The following MYO3A variants were observed in gnomAD, a reference collection of about 807,000 sequenced individuals.
The protein encoded by MYO3A is myosin-IIIa.
MYO3A carries 180 observed loss-of-function variants against 192.7 expected under a neutral mutation model. The observed-to-expected ratio is 0.93, with a 90% CI of 0.83 to 1.06. The LOEUF is 1.06. Among genes scored for constraint, MYO3A ranks in the 50% least tolerant of loss-of-function variants. The probability of loss-of-function intolerance (pLI) is 0.00; values close to 1 mark genes in which losing one functional copy is unlikely to be tolerated. For synonymous variants in MYO3A, 628 were observed against 645.3 expected (o/e 0.97, Z 0.41); for missense variants, 1,896 against 1,905.0 (o/e 1.00, Z 0.09).
chr10:26,044,557 G>A (rs1007156137), intron 10 of MYO3A, among the ~76,000 whole-genome samples: 1 of 152,212 alleles, frequency 6.6e-6, no homozygotes, highest in African/African-American at 2.4e-5. Flanking sequence ...GCAGTGATAA[G>A]ATGGGTTGGC....
chr10:25,969,444 C>T (rs1003736364), intron 4 of MYO3A, among the ~76,000 whole-genome samples: 3 of 151,858 alleles, frequency 2.0e-5, no homozygotes, highest in Non-Finnish European at 4.4e-5. Flanking sequence ...ACATATAATC[C>T]GTGGATAATG....
intron 4 of MYO3A, among the ~76,000 whole-genome samples, chr10:25,964,072 G>C (rs1259606312): frequency 6.6e-6 from 1 of 151,974 alleles, no homozygotes; most frequent in East Asian, 1.9e-4. Flanking sequence ...TGTTATCATA[G>C]ATTTATTGTT....
At chr10:26,124,051 G>A (rs185558984) in intron 18 of MYO3A, among the ~76,000 whole-genome samples, 12 of 152,138 alleles carry the variant, frequency 7.9e-5, no homozygotes, top group Admixed American at 2.0e-4. Context: ...TAGCCAGGCA[G>A]GTTGTCATGC....
rs766927540 is a variant in MYO3A, at chr10:26,168,826, CA to C, written c.3232del (p.Ile1078TyrfsTer10). 4 of 1,612,434 alleles carry C rather than the reference CA, an allele frequency of 2.5e-6. No homozygotes were observed. The highest frequency in any genetic ancestry group is 3.4e-6 in the Non-Finnish European group (4 of 1,179,420). On this transcript the variant is annotated frameshift_variant, in exon 28 of 35. Transcript: ENST00000642920. LOFTEE classifies it high-confidence loss of function. ...AGCATTCTTGTGTTCAAGAAGATAC[CA>C]AAAAATACAGGAGAAAAGGAAAGAA... ...VRAFLCSRRYQKIQEKRKESA... is the reference protein window; with the variant it reads ...VRAFLCSRRYXKIQEKRKESA...
At chr10:26,069,351 C>G (rs1051801229) in intron 12 of MYO3A, among the ~76,000 whole-genome samples, 3 of 152,042 alleles carry the variant, frequency 2.0e-5, no homozygotes, top group African/African-American at 7.2e-5. Context: ...ATTAATATCA[C>G]AAACATGTTT....
intron 27 of MYO3A, among the ~76,000 whole-genome samples, chr10:26,166,579 G>C (rs555025609): frequency 1.3e-5 from 2 of 152,006 alleles, no homozygotes; most frequent in Non-Finnish European, 2.9e-5. Context: ...AGAAATGCAA[G>C]AAAAATTTAT....
Position 26,096,442 on chromosome 10 carries a change from C to G in MYO3A, c.1624C>G (p.Leu542Val). 6.2e-7 allele frequency: 1 copy of G among 1,613,774 alleles called. No homozygotes were observed. The highest frequency in any genetic ancestry group is 1.3e-5 in the African/African-American group (1 of 75,028). Residue 542 changes from leucine (L) to valine (V), a missense_variant, in exon 16 of 35, where the codon CTA becomes GTA. Coordinates refer to ENST00000642920, the MANE Select transcript of MYO3A (RefSeq NM_017433.5). ...IYAGLAEKKKLAHYKLPENKP... is the reference protein window; with the variant it reads ...IYAGLAEKKKVAHYKLPENKP... Reference sequence around the variant, plus strand: ...TGCTGGTTTGGCTGAAAAGAAGAAACTAGCCCATTACAAACTGCCTGAAAA... The same window carrying G: ...TGCTGGTTTGGCTGAAAAGAAGAAAGTAGCCCATTACAAACTGCCTGAAAA...
At chr10:26,129,064 CT>C (rs1839389259) in intron 20 of MYO3A, among the ~76,000 whole-genome samples, 1 of 152,094 alleles carries the variant, frequency 6.6e-6, no homozygotes, top group African/African-American at 2.4e-5. Context: ...AAAAATCAGA[CT>C]TAAATCACAT....
In MYO3A at chr10:26,131,342, A is replaced by AGTTTCTT. The variant is rs750889649; in HGVS notation, c.2262+2806_2262+2807insTTCTTGT. On this transcript the variant is annotated intron_variant, in intron 20 of 34. Coordinates refer to ENST00000642920, the MANE Select transcript of MYO3A (RefSeq NM_017433.5). The stretch of plus-strand genomic sequence containing the variant: ...CATTAAAAAAAGATCAAGAAACTAC[A>AGTTTCTT]GTAAAACATTTTTTTGTGAAAGAAT... 5.3e-4 allele frequency among the ~76,000 whole-genome samples: 47 copies of AGTTTCTT among 89,374 alleles called. 1 individual carries two copies. Among genetic ancestry groups the AGTTTCTT allele is most frequent in the Admixed American group, 2.3e-3 (22 of 9,454 alleles). 58.6% of individuals were successfully genotyped at this position (89,374 alleles called of 152,430 possible). A position where few individuals can be genotyped will look rare whatever the true frequency, so the allele number is the denominator to read the frequency against.
At chr10:26,155,071 A>G (rs1841032720) in intron 25 of MYO3A, among the ~76,000 whole-genome samples, 1 of 152,200 alleles carries the variant, frequency 6.6e-6, no homozygotes, top group African/African-American at 2.4e-5. Flanking sequence ...AAATTTGTCC[A>G]TAGAACAGAA....
chr10:26,172,962 T>G (rs1842121675), intron 29 of MYO3A, among the ~76,000 whole-genome samples: 1 of 152,138 alleles, frequency 6.6e-6, no homozygotes, highest in Non-Finnish European at 1.5e-5. Context: ...ACGAGAGGTG[T>G]TAGCATATCA....
At chr10:26,067,839 A>AT (rs909746688) in intron 11 of MYO3A, among the ~76,000 whole-genome samples, 2 of 118,646 alleles carry the variant, frequency 1.7e-5, no homozygotes, top group African/African-American at 5.5e-5. Flanking sequence ...ACACCTTTTT[A>AT]TTTTTTTTAC....
intron 4 of MYO3A, among the ~76,000 whole-genome samples, chr10:25,994,838 C>A (rs1025378086): frequency 5.3e-5 from 8 of 152,134 alleles, no homozygotes; most frequent in African/African-American, 1.7e-4. Context: ...AATATTGGCC[C>A]CCACTCTTTT....
intron 4 of MYO3A, among the ~76,000 whole-genome samples, chr10:25,994,622 T>C (rs1840298528): frequency 6.6e-6 from 1 of 152,222 alleles, no homozygotes; most frequent in African/African-American, 2.4e-5. Context: ...CTTTACAACT[T>C]GGCATGTTTT....
intron 20 of MYO3A, 35 bp downstream of exon 20, chr10:26,128,573 T>G: frequency 1.3e-6 from 2 of 1,573,670 alleles, no homozygotes; most frequent in Non-Finnish European, 1.7e-6. Flanking sequence ...TATGCATGCA[T>G]GCATGTATTA....
intron 6 of MYO3A, among the ~76,000 whole-genome samples, chr10:26,010,699 C>T (rs867401644): frequency 1.5e-4 from 23 of 152,056 alleles, no homozygotes; most frequent in East Asian, 7.8e-4. Flanking sequence ...CCTGACCTCG[C>T]GATCCACCTG....
chr10:26,074,727 A>G (rs1196224134), intron 14 of MYO3A, among the ~76,000 whole-genome samples: 1 of 151,464 alleles, frequency 6.6e-6, no homozygotes, highest in Non-Finnish European at 1.5e-5. Context: ...TTTGCCATGC[A>G]GGAGCTTTTG....
At position 26,000,914 on chromosome 10, in the gene MYO3A, A is replaced by T. The variant is rs367773308; in HGVS notation, c.508+3656A>T. Among the ~76,000 whole-genome samples, 6 of 152,248 alleles carry T rather than the reference A, an allele frequency of 3.9e-5. No homozygotes were observed. In the East Asian group the frequency reaches 1.2e-3, roughly 29 times the overall value. ...CTGGGGAGGCTTCAGGAAACTTACA[A>T]TCATGGCAGGAGGGCAAAGGCAAAG... On this transcript the variant is annotated intron_variant, in intron 6 of 34. Transcript: ENST00000642920.
chr10:26,067,175 A>G, intron 11 of MYO3A, 101 bp downstream of exon 11: 3 of 782,054 alleles, frequency 3.8e-6, no homozygotes, highest in East Asian at 5.3e-5. Context: ...ATAGATTATG[A>G]TGGTTATTAA....
Sources: allele counts gnomAD v4.1 joint callset (sites outside exome capture counted in the v4.1 genomes callset), GRCh38; gene constraint gnomAD v4.1.1; transcripts MANE v1.5; gene names NCBI Gene and HGNC (gene_info 2026-07-23, HGNC 2026-07-21).